The following SLC13A3 variants were observed in gnomAD, a reference collection of about 807,000 sequenced individuals.
The protein encoded by SLC13A3 is solute carrier family 13 member 3.
SLC13A3 carries 40 observed loss-of-function variants against 59.0 expected under a neutral mutation model. The ratio of observed to expected loss-of-function variants is 0.68; its 90% CI spans 0.53 to 0.88. The LOEUF (loss-of-function observed/expected upper bound fraction) is 0.88. SLC13A3 is among the 40% of genes least tolerant of loss of function. The probability of loss-of-function intolerance (pLI) is 0.00; values close to 1 mark genes in which losing one functional copy is unlikely to be tolerated. For synonymous variants in SLC13A3, 317 were observed against 330.3 expected (o/e 0.96, Z 0.44); for missense variants, 699 against 783.2 (o/e 0.89, Z 1.28).
At chr20:46,680,582 C>T (rs2122952905) in intron 1 of SLC13A3, among the ~76,000 whole-genome samples, 1 of 152,316 alleles carries the variant, frequency 6.6e-6, no homozygotes, top group Middle Eastern at 3.4e-3. Flanking sequence ...AGCTCGTGTC[C>T]CTTCCAGGCG....
At chr20:46,584,448 T>C (rs1166322938) in intron 8 of SLC13A3, 1 of 985,418 alleles carries the variant, frequency 1.0e-6, no homozygotes, top group East Asian at 1.1e-4. Context: ...ACTCAGATTG[T>C]TCTGGCTCCA....
chr20:46,600,052 C>A lies in SLC13A3; in HGVS notation c.542-15G>T. On this transcript the variant is annotated splice_polypyrimidine_tract_variant and intron_variant, in intron 3 of 12. Coordinates refer to ENST00000279027, the MANE Select transcript of SLC13A3 (RefSeq NM_022829.6). ...CCGCACAGCAGCTAGGAGGAAAGAG[C>A]ATGATGTCTTTAATGTAATGTAGCG... 2 of 1,551,784 alleles carry A rather than the reference C, an allele frequency of 1.3e-6. No homozygotes were observed. Among genetic ancestry groups the A allele is most frequent in the Non-Finnish European group, 8.8e-7 (1 of 1,137,678 alleles).
At chr20:46,664,211 A>C (rs2122918728) in intron 1 of SLC13A3, among the ~76,000 whole-genome samples, 1 of 152,198 alleles carries the variant, frequency 6.6e-6, no homozygotes, top group South Asian at 2.1e-4. Flanking sequence ...TTGGATTGAG[A>C]ACCACTGTCC....
At chr20:46,638,484 G>A (rs764851815) in intron 1 of SLC13A3, among the ~76,000 whole-genome samples, 14 of 152,214 alleles carry the variant, frequency 9.2e-5, no homozygotes, top group East Asian at 1.9e-4. Flanking sequence ...AGGGAAAGGC[G>A]GCTGTCCTGA....
At chr20:46,607,161 G>A (rs1212366594) in intron 3 of SLC13A3, among the ~76,000 whole-genome samples, 1 of 152,164 alleles carries the variant, frequency 6.6e-6, no homozygotes, top group African/African-American at 2.4e-5. Context: ...TATAAAATGG[G>A]CATCATTACC....
intron 8 of SLC13A3, chr20:46,584,353 T>G (rs2062170966): frequency 1.0e-6 from 1 of 985,402 alleles, no homozygotes; most frequent in East Asian, 1.1e-4. Flanking sequence ...ATTTTTAAAG[T>G]TTTTATTTGC....
intron 1 of SLC13A3, among the ~76,000 whole-genome samples, chr20:46,659,117 G>C (rs897399545): frequency 6.6e-6 from 1 of 151,892 alleles, no homozygotes; most frequent in African/African-American, 2.4e-5. Context: ...AACATTCTCT[G>C]ATATTTTAAT....
At chr20:46,574,726 T>G (rs454103) in intron 10 of SLC13A3, among the ~76,000 whole-genome samples, 123,408 of 151,902 alleles carry the variant, frequency 0.81, 50,309 homozygotes, top group East Asian at 0.88. Flanking sequence ...GTACTGTATC[T>G]CTCTGTGTCT....
At chr20:46,577,499 C>T (rs998986235) in intron 9 of SLC13A3, among the ~76,000 whole-genome samples, 14 of 152,080 alleles carry the variant, frequency 9.2e-5, no homozygotes, top group Admixed American at 5.2e-4. Flanking sequence ...AAAAGTGAAG[C>T]GACTTGCCCC....
At chr20:46,622,626 G>A (rs1299550348) in intron 1 of SLC13A3, among the ~76,000 whole-genome samples, 2 of 19,422 alleles carry the variant, frequency 1.0e-4, no homozygotes, top group South Asian at 1.5e-3. Context: ...GTGTGCGTGT[G>A]TGTGTGTGTG....
At chr20:46,618,362 G>C (rs1226596464) in intron 1 of SLC13A3, among the ~76,000 whole-genome samples, 1 of 152,218 alleles carries the variant, frequency 6.6e-6, no homozygotes, top group Non-Finnish European at 1.5e-5. Flanking sequence ...AGTGAGCTAT[G>C]GAGCAAAGGT....
upstream of SLC13A3, among the ~76,000 whole-genome samples, chr20:46,651,952 C>CTGGA (rs1166007554): frequency 6.6e-6 from 1 of 152,178 alleles, no homozygotes; most frequent in Non-Finnish European, 1.5e-5. Context: ...ATGGATGGAG[C>CTGGA]TGGAGGCCAT....
rs771444535 is a variant in SLC13A3, at chr20:46,613,473, C to T, written c.364G>A (p.Val122Ile). The T allele has an allele frequency of 6.3e-7, 1 of 1,594,820 alleles. No individual in the cohort carries two copies. The highest frequency in any genetic ancestry group is 8.6e-7 in the Non-Finnish European group (1 of 1,168,942). ...IALKILMLVG[V>I]QPARLILGMM... Reference sequence around the variant, plus strand: ...ACCTGTTCTTACCTGGCCGGCTGGACTCCAACAAGCATCAGGATCTTGAGG... The same window carrying T: ...ACCTGTTCTTACCTGGCCGGCTGGATTCCAACAAGCATCAGGATCTTGAGG... The change falls in exon 2 of 13, where the codon GTC becomes ATC. Residue 122 changes from valine (V) to isoleucine (I), a missense_variant. By Grantham distance (29) the Val-to-Ile change is conservative (BLOSUM62 3). Transcript: ENST00000279027.
intron 4 of SLC13A3, 143 bp from the exon 5 acceptor site, chr20:46,596,485 G>A: frequency 1.5e-6 from 1 of 676,124 alleles, no homozygotes; most frequent in South Asian, 1.8e-5. Context: ...CAACTCTTCA[G>A]CTCAGATGTT....
At chr20:46,674,604 C>CGCGCGCGCGCGTGTGTGTGT (rs370861850), upstream of SLC13A3, among the ~76,000 whole-genome samples, 2 of 127,882 alleles carry the variant, frequency 1.6e-5, no homozygotes, top group African/African-American at 6.3e-5. Flanking sequence ...CGCGCGCGCG[C>CGCGCGCGCGCGTGTGTGTGT]GTGTGTGTGT....
chr20:46,678,173 G>A (rs1953445041), intron 1 of SLC13A3, among the ~76,000 whole-genome samples: 1 of 152,154 alleles, frequency 6.6e-6, no homozygotes, highest in South Asian at 2.1e-4. Context: ...CTTTGGCCAG[G>A]CCTTGAATAG....
chr20:46,571,513 T>C (rs946501764), intron 10 of SLC13A3, among the ~76,000 whole-genome samples: 8 of 152,216 alleles, frequency 5.3e-5, no homozygotes, highest in African/African-American at 1.9e-4. Context: ...TACATTATGT[T>C]AGCAATTCTC....
intron 4 of SLC13A3, 97 bp downstream of exon 4, chr20:46,599,874 C>T (rs1202027352): frequency 2.1e-6 from 2 of 931,330 alleles, no homozygotes; most frequent in Admixed American, 2.3e-5. Context: ...GAGAAAAATT[C>T]AGGGATGGGA....
chr20:46,560,131 G>A lies in SLC13A3; in HGVS notation c.1700C>T (p.Ala567Val). Residue 567 changes from alanine to valine, a missense_variant, in exon 13 of 13, where the codon GCA becomes GTA. Ala to Val is a moderately conservative substitution (Grantham distance 64). Coordinates refer to ENST00000279027, the MANE Select transcript of SLC13A3 (RefSeq NM_022829.6). ...GGTGCCCAGCTGGAAGATGGTCTGT[G>A]CCCAGGTATTCATAGCCAAACTGAG... ...LLLSLAMNTW[A>V]QTIFQLGTFP... The A allele has an allele frequency of 1.9e-6, 3 of 1,614,168 alleles. No individual in the cohort carries two copies. Among genetic ancestry groups the A allele is most frequent in the Non-Finnish European group, 2.5e-6 (3 of 1,180,032 alleles).
Sources: allele counts gnomAD v4.1 joint callset (sites outside exome capture counted in the v4.1 genomes callset), GRCh38; gene constraint gnomAD v4.1.1; transcripts MANE v1.5; gene names NCBI Gene and HGNC (gene_info 2026-07-23, HGNC 2026-07-21).